The following PUS10 variants were observed in gnomAD, a reference collection of about 807,000 sequenced individuals.
PUS10 encodes the protein tRNA pseudouridine synthase Pus10.
In PUS10, 59 loss-of-function variants were observed where a neutral mutation model predicts 75.0. That is an observed-to-expected ratio of 0.79 (90% CI 0.64 to 0.98). The LOEUF is 0.98. PUS10 is among the 50% of genes least tolerant of loss of function. The pLI, the probability that PUS10 is intolerant of heterozygous loss-of-function variation, is 0.00. For synonymous variants in PUS10, 219 were observed against 211.6 expected (o/e 1.03, Z -0.30); for missense variants, 650 against 614.4 (o/e 1.06, Z -0.61).
At chr2:60,968,065 A>G (rs1286437330) in intron 5 of PUS10, among the ~76,000 whole-genome samples, 1 of 152,204 alleles carries the variant, frequency 6.6e-6, no homozygotes, top group Non-Finnish European at 1.5e-5. Flanking sequence ...AAATCAACAA[A>G]GAAGCTGTAC....
At chr2:60,945,820 C>T (rs1674912396) in intron 16 of PUS10, among the ~76,000 whole-genome samples, 1 of 152,150 alleles carries the variant, frequency 6.6e-6, no homozygotes, top group Non-Finnish European at 1.5e-5. Context: ...GACTGTACTG[C>T]AGCTTTGACA....
At chr2:60,954,937 G>A (rs1481755845) in intron 12 of PUS10, 81 bp downstream of exon 12, 1 of 919,122 alleles carries the variant, frequency 1.1e-6, no homozygotes, top group African/African-American at 1.7e-5. Context: ...TTTTCACTGA[G>A]TGACTATGCT....
chr2:61,004,772 T>C (rs917099668), intron 4 of PUS10, among the ~76,000 whole-genome samples: 1 of 152,128 alleles, frequency 6.6e-6, no homozygotes, highest in Non-Finnish European at 1.5e-5. Flanking sequence ...ATTTTTATTC[T>C]TAGGAAATGA....
Position 60,948,073 on chromosome 2 carries a change from A to C in PUS10, c.1421T>G (p.Phe474Cys), listed in dbSNP as rs780316513. Residue 474 changes from phenylalanine to cysteine, a missense_variant, in exon 16 of 18, where the codon TTC (phenylalanine) becomes TGC (cysteine). By Grantham distance (205) the Phe-to-Cys change is radical. Transcript: ENST00000316752. ...AGCCTGAGTTTTCAAGTGGAGGCGGAAGTGGTGCTCATCCACGTACTGTGT... is the reference window on the plus strand; with the variant it reads ...AGCCTGAGTTTTCAAGTGGAGGCGGCAGTGGTGCTCATCCACGTACTGTGT... ...METQYVDEHH[F>C]RLHLKTQAGT... The C allele has an allele frequency of 8.7e-6, 14 of 1,614,108 alleles. No homozygotes were observed. Among genetic ancestry groups the C allele is most frequent in the East Asian group, 2.2e-5 (1 of 44,864 alleles).
rs556364012 is a variant in PUS10, at chr2:60,941,309, T to C, written c.*1086A>G. On this transcript the variant is annotated 3_prime_UTR_variant, in exon 18 of 18. Transcript: ENST00000316752. ...TTGGTAAGCTCTTTGATTTGGTAAC[T>C]ACATTCCAAAAGTTAATTATCAGTT... The C allele has an allele frequency of 9.2e-5, 14 of 152,418 alleles. 1 individual carries two copies. The South Asian group carries it at 2.9e-3, about 32-fold the overall frequency. 9.4% of individuals were successfully genotyped at this position (152,418 alleles called of 1,614,324 possible).
Position 60,971,551 on chromosome 2 carries a change from C to A in PUS10, c.475G>T (p.Ala159Ser). The A allele has an allele frequency of 6.2e-7, 1 of 1,613,628 alleles. No individual in the cohort carries two copies. Among genetic ancestry groups the A allele is most frequent in the Non-Finnish European group, 8.5e-7 (1 of 1,179,672 alleles). ...ATTTCCTGTTTTACCAGCAACCATGCAGCATGCTGTAGGCAATTTAGTCAC... is the reference window on the plus strand; with the variant it reads ...ATTTCCTGTTTTACCAGCAACCATGAAGCATGCTGTAGGCAATTTAGTCAC... ...PPQLSVREHA[A>S]WLLVKQEMGK... The change falls in exon 5 of 18, where the codon GCA (alanine) becomes TCA (serine). Residue 159 changes from alanine to serine, a missense_variant. Ala to Ser is a moderately conservative substitution (Grantham distance 99). Coordinates refer to ENST00000316752, the MANE Select transcript of PUS10 (RefSeq NM_144709.4).
At chr2:60,968,468 T>C (rs1676472576) in intron 5 of PUS10, among the ~76,000 whole-genome samples, 1 of 152,172 alleles carries the variant, frequency 6.6e-6, no homozygotes, top group African/African-American at 2.4e-5. Flanking sequence ...GGCCAACTTA[T>C]GCATCATCCC....
intron 15 of PUS10, among the ~76,000 whole-genome samples, chr2:60,951,170 A>G (rs1282899515): frequency 2.6e-5 from 4 of 152,004 alleles, no homozygotes; most frequent in Non-Finnish European, 2.9e-5. Context: ...ATCTTTTGCC[A>G]TACAATTTGT....
At chr2:61,017,443 A>G (rs946359731) in intron 1 of PUS10, 1 of 260,166 alleles carries the variant, frequency 3.8e-6, no homozygotes, top group Non-Finnish European at 7.4e-6. Flanking sequence ...GTCCACTCCC[A>G]GAAAAGCCTC....
Position 60,965,496 on chromosome 2 carries a change from A to G in PUS10, c.616-12T>C. The G allele has an allele frequency of 1.3e-6, 2 of 1,590,712 alleles. No individual in the cohort carries two copies. The highest frequency in any genetic ancestry group is 1.7e-6 in the Non-Finnish European group (2 of 1,170,510). On this transcript the variant is annotated splice_polypyrimidine_tract_variant and intron_variant, in intron 6 of 17. Coordinates refer to ENST00000316752, the MANE Select transcript of PUS10 (RefSeq NM_144709.4). ...ACTTCAAACAAGCTCTAAAAATTAT[A>G]AAGACAGTTTAAAAATGAGCAAAAG... is the stretch of plus-strand genomic sequence containing the variant.
chr2:60,994,843 T>C (rs1286588951), intron 4 of PUS10, among the ~76,000 whole-genome samples: 4 of 152,130 alleles, frequency 2.6e-5, no homozygotes, highest in African/African-American at 7.2e-5. Flanking sequence ...AATCCCAGCA[T>C]TTTGGGAGGC....
chr2:61,005,544 A>C (rs939812877), intron 4 of PUS10, among the ~76,000 whole-genome samples: 1 of 152,202 alleles, frequency 6.6e-6, no homozygotes, highest in Non-Finnish European at 1.5e-5. Flanking sequence ...ACTTTCACTA[A>C]AGTGACAGTC....
In PUS10 at chr2:61,012,887, T is replaced by TATATATATATATATATATAC. The variant is rs67357917; in HGVS notation, c.-15-983_-15-982insGTATATATATATATATATAT. On this transcript the variant is annotated intron_variant, in intron 1 of 17. Transcript: ENST00000316752. ...AAAAAAATATATATATATATATATA[T>TATATATATATATATATATAC]ACACACACACACATATGCCTATTAC... 1.1e-3 allele frequency among the ~76,000 whole-genome samples: 98 copies of TATATATATATATATATATAC among 88,868 alleles called. 1 individual carries two copies. Among genetic ancestry groups the TATATATATATATATATATAC allele is most frequent in the Middle Eastern group, 8.1e-3 (1 of 124 alleles). 58.3% of individuals were successfully genotyped at this position (88,868 alleles called of 152,430 possible).
At chr2:60,969,742 A>AT (rs1676546877) in intron 5 of PUS10, among the ~76,000 whole-genome samples, 1 of 152,226 alleles carries the variant, frequency 6.6e-6, no homozygotes, top group Non-Finnish European at 1.5e-5. Context: ...CATTATCCCT[A>AT]TATCAGTCAG....
chr2:60,975,055 C>T (rs546035848), intron 4 of PUS10, among the ~76,000 whole-genome samples: 8 of 152,364 alleles, frequency 5.3e-5, no homozygotes, highest in African/African-American at 1.9e-4. Context: ...CAACCTAATA[C>T]ATTTATAGTA....
chr2:60,950,160 G>A (rs1452896680), intron 15 of PUS10, among the ~76,000 whole-genome samples: 1 of 152,190 alleles, frequency 6.6e-6, no homozygotes, highest in Non-Finnish European at 1.5e-5. Context: ...ACAGATCTAA[G>A]AACTGGAGAG....
intron 1 of PUS10, among the ~76,000 whole-genome samples, chr2:61,012,867 A>AAAAAAT (rs1679710007): frequency 1.4e-4 from 4 of 27,738 alleles, no homozygotes; most frequent in Non-Finnish European, 1.9e-4. Flanking sequence ...AAAAAAAAAA[A>AAAAAAT]ATATATATAT....
chr2:60,962,980 G>T (rs1185591718), intron 8 of PUS10, 90 bp from the exon 9 acceptor site: 1 of 1,440,538 alleles, frequency 6.9e-7, no homozygotes, highest in Non-Finnish European at 9.1e-7. Flanking sequence ...TGGAGAAATT[G>T]TATCATTTCA....
intron 1 of PUS10, among the ~76,000 whole-genome samples, chr2:61,015,792 T>G (rs1003384014): frequency 2.6e-5 from 4 of 152,192 alleles, no homozygotes; most frequent in Non-Finnish European, 5.9e-5. Context: ...TTAATCTACT[T>G]TGATGCAGAG....
Sources: gnomAD v4.1 joint callset for allele counts (sites outside exome capture counted in the v4.1 genomes callset) on GRCh38, gnomAD v4.1.1 for gene constraint, MANE v1.5 for transcripts, NCBI Gene and HGNC (gene_info 2026-07-23, HGNC 2026-07-21) for gene names.